Variants in FAM13A observed in about 807,000 individuals in gnomAD.
FAM13A encodes the protein family with sequence similarity 13 member A, also known as protein FAM13A.
FAM13A carries 76 observed loss-of-function variants against 129.6 expected under a neutral mutation model. The observed-to-expected ratio is 0.59, with a 90% CI of 0.49 to 0.71. The LOEUF (loss-of-function observed/expected upper bound fraction) is 0.71. Ranked by LOEUF, FAM13A falls within the 30% of genes least tolerant of loss-of-function variation. The pLI, the probability that FAM13A is intolerant of heterozygous loss-of-function variation, is 0.00. For missense variants in FAM13A, 1,108 were observed against 1,249.3 expected (o/e 0.89, Z 1.70); for synonymous variants, 443 against 449.9 (o/e 0.98, Z 0.20).
At chr4:88,859,195 G>A (rs1739066713) in intron 6 of FAM13A, among the ~76,000 whole-genome samples, 1 of 152,214 alleles carries the variant, frequency 6.6e-6, no homozygotes, top group Admixed American at 6.5e-5. Context: ...AGAGTCAAAG[G>A]AGGGTTGTTT....
intron 4 of FAM13A, among the ~76,000 whole-genome samples, chr4:88,971,098 G>A (rs970909786): frequency 6.6e-6 from 1 of 152,118 alleles, no homozygotes; most frequent in Non-Finnish European, 1.5e-5. Context: ...GGCAGGAGAA[G>A]CTGAGGCAGG....
Position 88,972,299 on chromosome 4 carries a change from C to CTTT in FAM13A, c.605+18671_605+18673dup, listed in dbSNP as rs57674045. Among the ~76,000 whole-genome samples, 46 of 137,646 alleles carry CTTT rather than the reference C, an allele frequency of 3.3e-4. 2 individuals are homozygous for CTTT. In the South Asian group the frequency reaches 3.4e-3, roughly 10 times the overall value. The allele number at this position is 137,646 out of a possible 152,430, so 90.3% of individuals were successfully genotyped here. Reference sequence around the variant, plus strand: ...TGAAAAAGTTTCTGCTTCTCCTTCACTTTTTTTTTTTTTTTTTTTTGAGAC... The same window carrying CTTT: ...TGAAAAAGTTTCTGCTTCTCCTTCACTTTTTTTTTTTTTTTTTTTTTTTGAGAC... On this transcript the variant is annotated intron_variant, in intron 4 of 23. Transcript: ENST00000264344.
At chr4:88,997,764 T>G (rs146324253) in intron 3 of FAM13A, among the ~76,000 whole-genome samples, 92 of 152,228 alleles carry the variant, frequency 6.0e-4, no homozygotes, top group African/African-American at 2.1e-3. Flanking sequence ...CTAATCTCTA[T>G]CATGATATAT....
chr4:88,974,535 T>C (rs904219895), intron 4 of FAM13A, among the ~76,000 whole-genome samples: 9 of 152,108 alleles, frequency 5.9e-5, no homozygotes, highest in African/African-American at 2.2e-4. Context: ...TGGAGTGTAA[T>C]GGCGTGATCT....
At chr4:88,945,919 T>C (rs1755665440) in intron 4 of FAM13A, among the ~76,000 whole-genome samples, 1 of 138,556 alleles carries the variant, frequency 7.2e-6, no homozygotes, top group Non-Finnish European at 1.5e-5. Context: ...ACTATATATA[T>C]ATAGTATATA....
At chr4:88,978,524 G>A (rs10025142) in intron 4 of FAM13A, among the ~76,000 whole-genome samples, 102,207 of 152,148 alleles carry the variant, frequency 0.67, 34,379 homozygotes, top group Middle Eastern at 0.79. Flanking sequence ...GCTGGGTGCA[G>A]TGGCTCAGGC....
intron 5 of FAM13A, among the ~76,000 whole-genome samples, chr4:88,913,254 A>T (rs1434992116): frequency 7.2e-6 from 1 of 139,508 alleles, no homozygotes; most frequent in Non-Finnish European, 1.6e-5. Flanking sequence ...GAGGAAGAAG[A>T]AGAGGAAGAA....
intron 10 of FAM13A, 35 bp downstream of exon 10, chr4:88,787,718 A>C (rs1724247817): frequency 6.3e-7 from 1 of 1,598,428 alleles, no homozygotes; most frequent in Admixed American, 1.7e-5. Flanking sequence ...AAAAAGAGAA[A>C]ACTCAAGTAA....
chr4:88,956,481 G>T (rs1324843677), intron 4 of FAM13A, among the ~76,000 whole-genome samples: 1 of 152,032 alleles, frequency 6.6e-6, no homozygotes, highest in Admixed American at 6.5e-5. Flanking sequence ...TTCTCAACAT[G>T]ACTGTATACT....
chr4:88,839,395 T>C (rs185837957), intron 7 of FAM13A, among the ~76,000 whole-genome samples: 2 of 152,294 alleles, frequency 1.3e-5, no homozygotes, highest in East Asian at 1.9e-4. Flanking sequence ...TTTAAGGCAA[T>C]AGAGTGTATA....
chr4:88,806,700 G>A (rs976694663), intron 7 of FAM13A, among the ~76,000 whole-genome samples: 2 of 152,082 alleles, frequency 1.3e-5, no homozygotes, highest in African/African-American at 2.4e-5. Flanking sequence ...GGTAAGTGAT[G>A]GGCTGTAATG....
At position 89,027,068 on chromosome 4, in the gene FAM13A, T is replaced by C. The variant is rs933961795; in HGVS notation, c.217+2392A>G. ...AGACCCACCTTACCGGCAGGGGATA[T>C]GTTCCAAGACTGCCAGTGGATGCCT... On this transcript the variant is annotated intron_variant, in intron 2 of 23. Transcript: ENST00000264344. Among the ~76,000 whole-genome samples the C allele has an allele frequency of 9.8e-5, 15 of 152,324 alleles. No individual in the cohort carries two copies. In the East Asian group the frequency reaches 2.9e-3, roughly 29 times the overall value.
intron 4 of FAM13A, among the ~76,000 whole-genome samples, chr4:88,952,049 G>A (rs978815679): frequency 6.6e-6 from 1 of 152,164 alleles, no homozygotes; most frequent in Non-Finnish European, 1.5e-5. Context: ...AGGCTACAGT[G>A]TAAAACATAG....
chr4:88,830,043 T>C (rs534704366), intron 7 of FAM13A, among the ~76,000 whole-genome samples: 1 of 152,324 alleles, frequency 6.6e-6, no homozygotes, highest in East Asian at 1.9e-4. Context: ...TATTCAATAA[T>C]GGCTACACAG....
chr4:88,882,068 A>G, intron 6 of FAM13A, among the ~76,000 whole-genome samples: 1 of 152,206 alleles, frequency 6.6e-6, no homozygotes, highest in Non-Finnish European at 1.5e-5. Flanking sequence ...TGAGGGAATA[A>G]CCGAGGAAAA....
intron 7 of FAM13A, among the ~76,000 whole-genome samples, chr4:88,830,621 G>C (rs1211982542): frequency 6.6e-6 from 1 of 152,138 alleles, no homozygotes; most frequent in Non-Finnish European, 1.5e-5. Context: ...CTTTAATTCT[G>C]ATGATGTATC....
intron 6 of FAM13A, among the ~76,000 whole-genome samples, chr4:88,900,839 T>C (rs2150207157): frequency 6.6e-6 from 1 of 152,106 alleles, no homozygotes; most frequent in Non-Finnish European, 1.5e-5. Context: ...CCCAATTAAA[T>C]GACACAGAAT....
At chr4:88,934,308 G>C (rs1753516355) in intron 5 of FAM13A, among the ~76,000 whole-genome samples, 1 of 151,968 alleles carries the variant, frequency 6.6e-6, no homozygotes, top group African/African-American at 2.4e-5. Flanking sequence ...ATTTCCATGA[G>C]AATATAAGAA....
rs528817895 is a variant in FAM13A, at chr4:88,918,306, T to C, written c.760-11844A>G. ...ATAGTAGTTAACTATGTGCACGGTT[T>C]TCTTCTAAGTGCTTATTACACATTT... On this transcript the variant is annotated intron_variant, in intron 5 of 23. Coordinates refer to ENST00000264344, the MANE Select transcript of FAM13A (RefSeq NM_014883.4). 7.2e-5 allele frequency among the ~76,000 whole-genome samples: 11 copies of C among 152,352 alleles called. No individual in the cohort carries two copies. The East Asian group carries it at 2.1e-3, about 29-fold the overall frequency.
Sources: gnomAD v4.1 joint callset for allele counts (sites outside exome capture counted in the v4.1 genomes callset) on GRCh38, gnomAD v4.1.1 for gene constraint, MANE v1.5 for transcripts, NCBI Gene and HGNC (gene_info 2026-07-23, HGNC 2026-07-21) for gene names.